CYP19A1: variants seen among roughly 807,000 people sequenced by gnomAD.
CYP19A1 encodes cytochrome P450 family 19 subfamily A member 1, also known as aromatase.
A neutral mutation model predicts 44.4 loss-of-function variants in CYP19A1; 32 were observed. That is an observed-to-expected ratio of 0.72 (90% CI 0.54 to 0.97). CYP19A1 has a LOEUF of 0.97. CYP19A1 is among the 50% of genes least tolerant of loss of function. The pLI is 0.00. For missense variants in CYP19A1, 598 were observed against 637.8 expected, an observed-to-expected ratio of 0.94 and a Z score of 0.67; for synonymous variants, 212 against 215.6, an observed-to-expected ratio of 0.98 and a Z score of 0.14.
intron 1 of CYP19A1, among the ~76,000 whole-genome samples, chr15:51,281,866 C>T (rs1421409850): frequency 2.6e-5 from 4 of 152,190 alleles, no homozygotes; most frequent in Admixed American, 2.6e-4. Flanking sequence ...TACATTTTCC[C>T]TTAAGTCTCT....
intron 1 of CYP19A1, among the ~76,000 whole-genome samples, chr15:51,330,056 G>T (rs780295071): frequency 1.4e-4 from 21 of 152,168 alleles, no homozygotes; most frequent in Non-Finnish European, 2.9e-4. Context: ...AGGAAAACAG[G>T]CAGAGAAATG....
chr15:51,241,156 T>C (rs2033739467), intron 2 of CYP19A1, among the ~76,000 whole-genome samples: 1 of 152,214 alleles, frequency 6.6e-6, no homozygotes, highest in South Asian at 2.1e-4. Context: ...AGGTGCTGCC[T>C]ACTCTCCCAC....
intron 1 of CYP19A1, among the ~76,000 whole-genome samples, chr15:51,247,451 T>TTTTTTA (rs148320846): frequency 3.3e-5 from 5 of 151,648 alleles, no homozygotes; most frequent in African/African-American, 9.7e-5. Context: ...CTGTCCTTAC[T>TTTTTTA]TTTTTATTTT....
chr15:51,283,808 C>T (rs561481505), intron 1 of CYP19A1, among the ~76,000 whole-genome samples: 14 of 152,332 alleles, frequency 9.2e-5, no homozygotes, highest in African/African-American at 3.4e-4. Flanking sequence ...GGCCCCTCAA[C>T]AAACCGAGGC....
chr15:51,304,369 T>C (rs1052424933), intron 1 of CYP19A1, among the ~76,000 whole-genome samples: 1 of 152,162 alleles, frequency 6.6e-6, no homozygotes, highest in African/African-American at 2.4e-5. Flanking sequence ...CTTGACAAAT[T>C]AAGTCCTCTT....
At chr15:51,233,741 A>G (rs1049689065) in intron 3 of CYP19A1, among the ~76,000 whole-genome samples, 1 of 152,174 alleles carries the variant, frequency 6.6e-6, no homozygotes, top group African/African-American at 2.4e-5. Context: ...TCCCTTTATG[A>G]GTGATACATA....
intron 1 of CYP19A1, among the ~76,000 whole-genome samples, chr15:51,283,904 C>G (rs1224748856): frequency 6.6e-6 from 1 of 152,222 alleles, no homozygotes; most frequent in Non-Finnish European, 1.5e-5. Context: ...CTTTGCAGCA[C>G]AATTACCATC....
chr15:51,232,133 T>C (rs1205358976), intron 3 of CYP19A1, among the ~76,000 whole-genome samples: 1 of 152,210 alleles, frequency 6.6e-6, no homozygotes, highest in Non-Finnish European at 1.5e-5. Context: ...TCCTGCCTTC[T>C]TTATGGCAAA....
chr15:51,270,965 G>T (rs1350500955), intron 1 of CYP19A1, among the ~76,000 whole-genome samples: 1 of 152,068 alleles, frequency 6.6e-6, no homozygotes, highest in Non-Finnish European at 1.5e-5. Context: ...CTAGGTTCCT[G>T]TTCCTCCCAA....
chr15:51,234,084 A>G (rs965726275), intron 3 of CYP19A1, among the ~76,000 whole-genome samples: 4 of 152,226 alleles, frequency 2.6e-5, no homozygotes, highest in African/African-American at 7.2e-5. Flanking sequence ...AAAAGAAAAA[A>G]AAAATCTGGC....
chr15:51,226,567 C>T (rs1036039179), intron 4 of CYP19A1, among the ~76,000 whole-genome samples: 1 of 152,172 alleles, frequency 6.6e-6, no homozygotes, highest in African/African-American at 2.4e-5. Flanking sequence ...TAGCTCCCCC[C>T]ATCTCAGCAG....
intron 1 of CYP19A1, among the ~76,000 whole-genome samples, chr15:51,317,104 CTTTTTTT>C (rs201343947): frequency 7.2e-6 from 1 of 138,508 alleles, no homozygotes; most frequent in South Asian, 2.3e-4. Context: ...AAAATCACTT[CTTTTTTT>C]TTTTTTTTTT....
intron 1 of CYP19A1, among the ~76,000 whole-genome samples, chr15:51,269,441 T>G (rs1046530376): frequency 1.3e-5 from 2 of 152,208 alleles, no homozygotes; most frequent in East Asian, 1.9e-4. Flanking sequence ...TCTTGAAATA[T>G]AAAAGCAAGA....
intron 1 of CYP19A1, among the ~76,000 whole-genome samples, chr15:51,247,439 C>T (rs1169641968): frequency 2.0e-5 from 3 of 150,840 alleles, no homozygotes; most frequent in Non-Finnish European, 2.9e-5. Context: ...GACCTTCTCC[C>T]CCTGTCCTTA....
chr15:51,314,768 T>C (rs17602308), intron 1 of CYP19A1, among the ~76,000 whole-genome samples: 5,969 of 152,298 alleles, frequency 0.039, 170 homozygotes, highest in Middle Eastern at 0.11. Flanking sequence ...TCAAAACACA[T>C]GGTCATGCCA....
chr15:51,267,106 T>G (rs2034947961), intron 1 of CYP19A1, among the ~76,000 whole-genome samples: 1 of 152,148 alleles, frequency 6.6e-6, no homozygotes, highest in Admixed American at 6.5e-5. Context: ...CGTTTCCTGC[T>G]TTTCATGACA....
chr15:51,288,252 G>T (rs2035754862), intron 1 of CYP19A1, among the ~76,000 whole-genome samples: 1 of 152,080 alleles, frequency 6.6e-6, no homozygotes, highest in African/African-American at 2.4e-5. Flanking sequence ...TGAGTTACCT[G>T]TGTGCTCAAT....
At chr15:51,269,895 C>A (rs1450846502) in intron 1 of CYP19A1, among the ~76,000 whole-genome samples, 3 of 152,184 alleles carry the variant, frequency 2.0e-5, no homozygotes, top group Non-Finnish European at 4.4e-5. Flanking sequence ...CCCTTTTTAT[C>A]TTTCCCAGTC....
chr15:51,317,621 G>A (rs1049209138), intron 1 of CYP19A1, among the ~76,000 whole-genome samples: 11 of 152,180 alleles, frequency 7.2e-5, no homozygotes, highest in African/African-American at 2.2e-4. Context: ...GTCTAGGGGT[G>A]AAAGAAAGGC....
Sources: gnomAD v4.1 joint callset for allele counts (sites outside exome capture counted in the v4.1 genomes callset) on GRCh38, gnomAD v4.1.1 for gene constraint, MANE v1.5 for transcripts, NCBI Gene and HGNC (gene_info 2026-07-23, HGNC 2026-07-21) for gene names.